The following PTPRD variants were observed in gnomAD, a reference collection of about 807,000 sequenced individuals.
PTPRD encodes receptor-type tyrosine-protein phosphatase delta.
A neutral mutation model predicts 214.5 loss-of-function variants in PTPRD; 34 were observed. The observed-to-expected ratio is 0.16, with a 90% CI of 0.12 to 0.21. The LOEUF (loss-of-function observed/expected upper bound fraction) is 0.21, where lower values mean the gene tolerates loss of function less well. Among genes scored for constraint, PTPRD ranks in the 10% least tolerant of loss-of-function variants. PTPRD has a pLI of 1.00. For synonymous variants in PTPRD, 1,128 were observed against 845.7 expected, an observed-to-expected ratio of 1.33 and a Z score of -5.79; for missense variants, 2,545 against 2,398.7, an observed-to-expected ratio of 1.06 and a Z score of -1.27.
intron 10 of PTPRD, among the ~76,000 whole-genome samples, chr9:9,024,348 G>GTTTTTTTT (rs752607769): frequency 1.6e-5 from 1 of 64,182 alleles, no homozygotes; most frequent in African/African-American, 4.1e-5. Context: ...GTTTTTTTTT[G>GTTTTTTTT]TTTGTTTTTT....
intron 11 of PTPRD, among the ~76,000 whole-genome samples, chr9:8,885,488 C>CTTTTT (rs35568734): frequency 8.6e-5 from 8 of 93,352 alleles, no homozygotes; most frequent in Non-Finnish European, 1.2e-4. Flanking sequence ...CACACAGCCT[C>CTTTTT]TTTTTTTTTT....
intron 9 of PTPRD, among the ~76,000 whole-genome samples, chr9:9,290,082 A>T (rs1348740251): frequency 6.6e-6 from 1 of 151,714 alleles, no homozygotes; most frequent in Non-Finnish European, 1.5e-5. Context: ...CCAATGGTAT[A>T]CAAGGGTTCC....
chr9:9,737,440 T>C (rs1019719536), intron 6 of PTPRD, among the ~76,000 whole-genome samples: 27 of 152,190 alleles, frequency 1.8e-4, no homozygotes, highest in Non-Finnish European at 2.8e-4. Flanking sequence ...TAACTACTAA[T>C]TCCAGAATGT....
chr9:9,064,371 G>T (rs746609540), intron 10 of PTPRD, among the ~76,000 whole-genome samples: 1 of 152,058 alleles, frequency 6.6e-6, no homozygotes, highest in Non-Finnish European at 1.5e-5. Flanking sequence ...TCTTTATAAG[G>T]TTAATCTATA....
At chr9:9,688,525 G>C (rs2097204974) in intron 7 of PTPRD, among the ~76,000 whole-genome samples, 1 of 151,726 alleles carries the variant, frequency 6.6e-6, no homozygotes, top group Non-Finnish European at 1.5e-5. Context: ...TAACTATGGG[G>C]TAACAGGTAT....
chr9:8,535,142 T>C (rs2076619406), intron 14 of PTPRD, among the ~76,000 whole-genome samples: 1 of 151,944 alleles, frequency 6.6e-6, no homozygotes, highest in Non-Finnish European at 1.5e-5. Context: ...TGCCTAGTGC[T>C]GCCTGGCACT....
chr9:10,461,938 G>A (rs1037605962), intron 2 of PTPRD, among the ~76,000 whole-genome samples: 1 of 152,024 alleles, frequency 6.6e-6, no homozygotes, highest in East Asian at 1.9e-4. Flanking sequence ...GCTTGTATGT[G>A]AAATTTTAAA....
chr9:8,657,931 T>A (rs1255464184), intron 12 of PTPRD, among the ~76,000 whole-genome samples: 1 of 152,250 alleles, frequency 6.6e-6, no homozygotes, highest in African/African-American at 2.4e-5. Context: ...TGTAATACTT[T>A]ATAATAAATT....
At chr9:9,498,795 T>G (rs899298557) in intron 8 of PTPRD, among the ~76,000 whole-genome samples, 1 of 152,108 alleles carries the variant, frequency 6.6e-6, no homozygotes, top group Non-Finnish European at 1.5e-5. Context: ...AGACAGGAAA[T>G]GATCTGTGAT....
chr9:9,667,602 A>T (rs1400888599), intron 7 of PTPRD, among the ~76,000 whole-genome samples: 1 of 152,134 alleles, frequency 6.6e-6, no homozygotes, highest in African/African-American at 2.4e-5. Flanking sequence ...GCACACAGGG[A>T]TTTCTAGAGG....
intron 11 of PTPRD, among the ~76,000 whole-genome samples, chr9:8,790,385 C>T (rs955005304): frequency 6.7e-5 from 10 of 148,776 alleles, no homozygotes; most frequent in South Asian, 2.2e-4. Flanking sequence ...AAAGTGTTAG[C>T]CTCAGGAGAG....
intron 23 of PTPRD, 132 bp from the exon 24 acceptor site, chr9:8,501,191 G>C: frequency 2.9e-6 from 2 of 689,436 alleles, no homozygotes; most frequent in East Asian, 2.7e-5. Context: ...ATAAGGCTTT[G>C]AAACTTAAAT....
intron 2 of PTPRD, among the ~76,000 whole-genome samples, chr9:10,516,735 C>T (rs944274681): frequency 3.3e-5 from 5 of 151,754 alleles, no homozygotes; most frequent in African/African-American, 1.2e-4. Context: ...AATTCCTTTT[C>T]AGTTTATTGC....
chr9:9,191,000 T>A (rs2099934786), intron 9 of PTPRD, among the ~76,000 whole-genome samples: 1 of 152,122 alleles, frequency 6.6e-6, no homozygotes, highest in African/African-American at 2.4e-5. Context: ...TCTCATCTCC[T>A]GGCATTCATA....
intron 10 of PTPRD, among the ~76,000 whole-genome samples, chr9:9,052,262 C>T (rs1414058242): frequency 6.6e-6 from 1 of 152,120 alleles, no homozygotes; most frequent in Non-Finnish European, 1.5e-5. Context: ...TTCCCAAAGG[C>T]CCCCACCTCC....
chr9:10,035,666 C>T (rs990198379), intron 3 of PTPRD, among the ~76,000 whole-genome samples: 1 of 152,064 alleles, frequency 6.6e-6, no homozygotes, highest in African/African-American at 2.4e-5. Flanking sequence ...AGCCTTCCTT[C>T]AGTCTCACCA....
At chr9:9,875,693 C>T (rs952892723) in intron 5 of PTPRD, among the ~76,000 whole-genome samples, 1 of 152,050 alleles carries the variant, frequency 6.6e-6, no homozygotes, top group African/African-American at 2.4e-5. Context: ...TTCTGTGGAT[C>T]CATGCTCTAG....
Position 10,115,137 on chromosome 9 carries a change from G to A in PTPRD, c.-544-81347C>T, listed in dbSNP as rs143784868. On this transcript the variant is annotated intron_variant, in intron 3 of 45. Transcript: ENST00000381196. ...TATTACAGAAGCAGTAAAAATACGAGGATTAAAAAGAAAAGACACACACTA... is the reference window on the plus strand; with the variant it reads ...TATTACAGAAGCAGTAAAAATACGAAGATTAAAAAGAAAAGACACACACTA... Among the ~76,000 whole-genome samples the A allele has an allele frequency of 2.7e-3, 408 of 151,686 alleles. 2 individuals carry two copies. Among genetic ancestry groups the A allele is most frequent in the African/African-American group, 9.5e-3 (395 of 41,362 alleles).
At chr9:8,744,508 G>A (rs907151521) in intron 11 of PTPRD, among the ~76,000 whole-genome samples, 1 of 152,202 alleles carries the variant, frequency 6.6e-6, no homozygotes, top group Non-Finnish European at 1.5e-5. Context: ...CAACACAGAT[G>A]GAATTGGAGA....
Sources: gnomAD v4.1 joint callset for allele counts (sites outside exome capture counted in the v4.1 genomes callset) on GRCh38, gnomAD v4.1.1 for gene constraint, MANE v1.5 for transcripts, NCBI Gene and HGNC (gene_info 2026-07-23, HGNC 2026-07-21) for gene names.